The following CEP290 variants were observed in gnomAD, a reference collection of about 807,000 sequenced individuals.
CEP290 encodes centrosomal protein of 290 kDa.
A neutral mutation model predicts 344.9 loss-of-function variants in CEP290; 317 were observed. That is an observed-to-expected ratio of 0.92 (90% confidence interval 0.84 to 1.01). The LOEUF (loss-of-function observed/expected upper bound fraction) is 1.01. Ranked by LOEUF, CEP290 falls within the 50% of genes least tolerant of loss-of-function variation. The pLI is 0.00. For synonymous variants in CEP290, 932 were observed against 895.8 expected, an observed-to-expected ratio of 1.04 and a Z score of -0.72; for missense variants, 2,754 against 2,761.4, an observed-to-expected ratio of 1.00 and a Z score of 0.06.
rs375386907 is a variant in CEP290 at position 88,052,662 on chromosome 12, C to T, written c.7129+990G>A. ...ACATACACGCATATATATACATACA[C>T]GCATATATATACATACACCTACATA... On this transcript the variant is annotated intron_variant, in intron 52 of 53. Coordinates refer to ENST00000552810, the MANE Select transcript of CEP290 (RefSeq NM_025114.4). 3.9e-5 allele frequency among the ~76,000 whole-genome samples: 6 copies of T among 152,016 alleles called. 1 individual carries two copies. In the South Asian group the frequency reaches 6.2e-4, roughly 16 times the overall value.
chr12:88,105,862 A>G (rs1226257583), intron 25 of CEP290, among the ~76,000 whole-genome samples: 1 of 152,006 alleles, frequency 6.6e-6, no homozygotes, highest in African/African-American at 2.4e-5. Context: ...TCCCACCTCA[A>G]TGTCCCAGGT....
chr12:88,141,347 A>G lies in CEP290; in HGVS notation c.-27-13T>C. 1.1e-5 allele frequency: 15 copies of G among 1,346,542 alleles called. No homozygotes were observed. Among genetic ancestry groups the G allele is most frequent in the Non-Finnish European group, 1.6e-5 (15 of 958,356 alleles). 83.4% of individuals were successfully genotyped at this position (1,346,542 alleles called of 1,614,324 possible). A position where few individuals can be genotyped will look rare whatever the true frequency, so the allele number is the denominator to read the frequency against. On this transcript the variant is annotated splice_polypyrimidine_tract_variant and intron_variant, in intron 1 of 53. Transcript: ENST00000552810. ...CTGTGCTCCACCTCTGTAACAAAAC[A>G]GGTGTATATTAGCATTTTCAAGGTA...
In CEP290 at chr12:88,127,504, A is replaced by G. The variant is rs185165366; in HGVS notation, c.943-1066T>C. The stretch of plus-strand genomic sequence containing the variant: ...CTCTGTCTCAAAAACAAAAACAAAA[A>G]CAAAAACAAAACAAGATATTAGGAG... On this transcript the variant is annotated intron_variant, in intron 11 of 53. Transcript: ENST00000552810. Among the ~76,000 whole-genome samples, 466 of 152,274 alleles carry G rather than the reference A, an allele frequency of 3.1e-3. 2 individuals carry two copies. The highest frequency in any genetic ancestry group is 0.011 in the African/African-American group (446 of 41,558).
chr12:88,087,719 CAAA>C (rs375540609), intron 32 of CEP290, 58 bp downstream of exon 32: 991 of 128,990 alleles, frequency 7.7e-3, no homozygotes, highest in South Asian at 9.8e-3. Flanking sequence ...GACTCCATCT[CAAA>C]AAAAAAAAAA....
At chr12:88,113,195 T>G (rs1330466760) in intron 20 of CEP290, among the ~76,000 whole-genome samples, 1 of 152,136 alleles carries the variant, frequency 6.6e-6, no homozygotes, top group Non-Finnish European at 1.5e-5. Flanking sequence ...AGTTAGGATT[T>G]CTTGGGCTAT....
intron 32 of CEP290, among the ~76,000 whole-genome samples, chr12:88,087,254 A>C (rs2036651184): frequency 6.6e-6 from 1 of 152,228 alleles, no homozygotes; most frequent in African/African-American, 2.4e-5. Flanking sequence ...ATAAAAATTA[A>C]CTTACCAAAT....
chr12:88,075,106 T>A (rs2035663406), intron 41 of CEP290, among the ~76,000 whole-genome samples: 1 of 152,120 alleles, frequency 6.6e-6, no homozygotes. Flanking sequence ...TGACACTATC[T>A]CCAGGTAGAT....
Position 88,130,261 on chromosome 12 carries a change from A to AT in CEP290, c.669+6dup, listed in dbSNP as rs761225874. 4 of 1,594,238 alleles carry AT rather than the reference A, an allele frequency of 2.5e-6. No homozygotes were observed. The South Asian group carries it at 4.7e-5, about 19-fold the overall frequency. On this transcript the variant is annotated splice_region_variant and intron_variant, in intron 9 of 53. Transcript: ENST00000552810. ...CATTGCTCTGAATTGACTTCTAGCC[A>AT]TTTTACCTGAATTTCATCAAGATAT... is the stretch of plus-strand genomic sequence containing the variant.
intron 6 of CEP290, among the ~76,000 whole-genome samples, chr12:88,131,894 CATAAATTACTTAGAA>C (rs2040095505): frequency 6.6e-6 from 1 of 152,130 alleles, no homozygotes; most frequent in South Asian, 2.1e-4. Flanking sequence ...TCTCAGTGAA[CATAAATTACTTAGAA>C]ATATAAGGCA....
chr12:88,111,583 T>A (rs1592607416), intron 21 of CEP290, 111 bp downstream of exon 21: 2 of 954,022 alleles, frequency 2.1e-6, no homozygotes, highest in East Asian at 6.0e-5. Flanking sequence ...ATTGAAAGAA[T>A]TAATTCAAGG....
chr12:88,079,207 T>C lies in CEP290; in HGVS notation c.5249A>G (p.Glu1750Gly). The C allele has an allele frequency of 6.3e-7, 1 of 1,593,064 alleles. No individual in the cohort carries two copies. Among genetic ancestry groups the C allele is most frequent in the Non-Finnish European group, 8.5e-7 (1 of 1,173,208 alleles). ...QQKALSRALL[E>G]LRAEMTAAAE... ...AGCTGCTGTCATTTCTGCCCGGAGT[T>C]CTAAAAGTGCCCGACTAAGTGCCTA... Residue 1750 changes from glutamate (E) to glycine (G), a missense_variant, in exon 39 of 54, where the codon GAA becomes GGA. Glu to Gly is a moderately conservative substitution (Grantham distance 98). Transcript: ENST00000552810.
Position 88,126,905 on chromosome 12 carries a change from A to G in CEP290, c.943-467T>C, listed in dbSNP as rs1592662085. Among the ~76,000 whole-genome samples the G allele has an allele frequency of 2.6e-5, 4 of 152,244 alleles. No homozygotes were observed. The South Asian group carries it at 8.3e-4, about 32-fold the overall frequency. Reference sequence around the variant, plus strand: ...AAATCAATCTATAAAACAATTTATAACTTTAACACATACCCAATAAAAATC... The same window carrying G: ...AAATCAATCTATAAAACAATTTATAGCTTTAACACATACCCAATAAAAATC... On this transcript the variant is annotated intron_variant, in intron 11 of 53. Transcript: ENST00000552810.
intron 17 of CEP290, 94 bp from the exon 18 acceptor site, chr12:88,117,239 T>C: frequency 1.6e-6 from 1 of 626,888 alleles, no homozygotes; most frequent in Non-Finnish European, 2.7e-6. Flanking sequence ...CAAGTTTTAA[T>C]GCAAAGGTAG....
intron 47 of CEP290, among the ~76,000 whole-genome samples, chr12:88,060,460 T>C (rs1592742186): frequency 6.6e-6 from 1 of 151,972 alleles, no homozygotes; most frequent in Non-Finnish European, 1.5e-5. Context: ...TGGGGGAGGC[T>C]GAGGCAGGAG....
At chr12:88,075,883 GCATAT>G (rs1356244443) in intron 41 of CEP290, among the ~76,000 whole-genome samples, 1 of 152,034 alleles carries the variant, frequency 6.6e-6, no homozygotes, top group Non-Finnish European at 1.5e-5. Context: ...AAAGACTTCC[GCATAT>G]CATATCATTT....
chr12:88,102,416 C>T (rs1325693833), intron 26 of CEP290, among the ~76,000 whole-genome samples: 1 of 152,100 alleles, frequency 6.6e-6, no homozygotes, highest in Admixed American at 6.5e-5. Flanking sequence ...AAGCCAGGGA[C>T]CATGGGAGAA....
intron 31 of CEP290, among the ~76,000 whole-genome samples, chr12:88,088,739 A>G (rs963668084): frequency 6.6e-6 from 1 of 152,184 alleles, no homozygotes; most frequent in African/African-American, 2.4e-5. Flanking sequence ...CATGCCTGTA[A>G]TCTCAGCACT....
intron 20 of CEP290, among the ~76,000 whole-genome samples, chr12:88,113,721 C>T (rs2038853359): frequency 6.6e-6 from 1 of 151,784 alleles, no homozygotes; most frequent in Non-Finnish European, 1.5e-5. Context: ...CTGTGAAATT[C>T]TCAAGTCCCT....
intron 18 of CEP290, chr12:88,115,486 C>G (rs1260733900): frequency 7.7e-7 from 1 of 1,302,994 alleles, no homozygotes; most frequent in Non-Finnish European, 1.0e-6. Context: ...ACCTGTTCTG[C>G]CTGGCTTCTG....
Sources: gnomAD v4.1 joint callset for allele counts (sites outside exome capture counted in the v4.1 genomes callset) on GRCh38, gnomAD v4.1.1 for gene constraint, MANE v1.5 for transcripts, NCBI Gene and HGNC (gene_info 2026-07-23, HGNC 2026-07-21) for gene names.